The following TRPC5 variants were observed in gnomAD, a reference collection of about 807,000 sequenced individuals.
TRPC5 encodes transient receptor potential cation channel subfamily C member 5.
TRPC5 carries 9 observed loss-of-function variants against 56.5 expected under a neutral mutation model. That is an observed-to-expected ratio of 0.16 (90% confidence interval 0.10 to 0.28). The LOEUF is 0.28. TRPC5 is among the 10% of genes least tolerant of loss of function. The pLI, the probability that TRPC5 is intolerant of heterozygous loss-of-function variation, is 1.00. For missense variants in TRPC5, 469 were observed against 748.9 expected, an observed-to-expected ratio of 0.63 and a Z score of 4.36; for synonymous variants, 282 against 278.5, an observed-to-expected ratio of 1.01 and a Z score of -0.13.
At chrX:111,943,119 T>C (rs758556410) in intron 2 of TRPC5, among the ~76,000 whole-genome samples, 1 of 111,751 alleles carries the variant, frequency 8.9e-6, no homozygotes, top group East Asian at 2.8e-4. Flanking sequence ...TGAAATAGAC[T>C]TCATTATCAT....
At chrX:111,948,996 C>T (rs946139841) in intron 2 of TRPC5, among the ~76,000 whole-genome samples, 1 of 111,749 alleles carries the variant, frequency 8.9e-6, no homozygotes, top group East Asian at 2.8e-4. Context: ...ATCACCATGA[C>T]CCGATGGACT....
intron 1 of TRPC5, among the ~76,000 whole-genome samples, chrX:112,081,344 G>A (rs1930961604): frequency 8.9e-6 from 1 of 111,744 alleles, no homozygotes; most frequent in African/African-American, 3.3e-5. Context: ...AGGAAGACAG[G>A]CAAACAAATC....
At chrX:111,879,732 A>G (rs950354326) in intron 3 of TRPC5, among the ~76,000 whole-genome samples, 31 of 112,702 alleles carry the variant, frequency 2.8e-4, no homozygotes, top group African/African-American at 8.7e-4. Flanking sequence ...CATGATTAGT[A>G]TCTATCCTCT....
rs778571647 is a variant in TRPC5 at position 112,011,719 on chromosome X, A to G, written c.-21-59278T>C. Among the ~76,000 whole-genome samples the G allele has an allele frequency of 2.7e-5, 3 of 111,143 alleles. No individual in the cohort carries two copies. In the South Asian group the frequency reaches 1.2e-3, roughly 43 times the overall value. The stretch of plus-strand genomic sequence containing the variant: ...CTATTTTGATATCAAAATAGTGGTG[A>G]GTCCGTTCATTCACTAAGCCAAAAT... On this transcript the variant is annotated intron_variant, in intron 1 of 10. Transcript: ENST00000262839.
chrX:111,807,441 A>G (rs779401111), intron 7 of TRPC5, among the ~76,000 whole-genome samples: 2 of 112,554 alleles, frequency 1.8e-5, no homozygotes, highest in South Asian at 3.7e-4. Flanking sequence ...TTTTAAAAAA[A>G]TGTATCTGAT....
intron 7 of TRPC5, among the ~76,000 whole-genome samples, chrX:111,791,849 C>T (rs1356432700): frequency 8.9e-6 from 1 of 112,393 alleles, no homozygotes; most frequent in African/African-American, 3.2e-5. Context: ...AATGCTTTTA[C>T]ACTGTTGGTG....
intron 2 of TRPC5, among the ~76,000 whole-genome samples, chrX:111,913,959 CAAAA>C (rs55948877): frequency 0.043 from 3,136 of 73,365 alleles, 110 homozygotes; most frequent in African/African-American, 0.13. Flanking sequence ...GACTCAGTCT[CAAAA>C]AAAAAAAAAA....
chrX:111,915,683 TTATG>T (rs1925954170), intron 2 of TRPC5, among the ~76,000 whole-genome samples: 1 of 112,242 alleles, frequency 8.9e-6, no homozygotes, highest in Admixed American at 9.4e-5. Context: ...CTTGATAAGG[TTATG>T]AGCTCTTTGA....
chrX:111,951,982 G>T (rs1927098649), intron 2 of TRPC5, 61 bp downstream of exon 2: 1 of 1,146,375 alleles, frequency 8.7e-7, no homozygotes, highest in African/African-American at 1.8e-5. Flanking sequence ...TAGTTTCAGG[G>T]CTTCTGACCT....
At chrX:111,888,329 G>A (rs899062575) in intron 3 of TRPC5, among the ~76,000 whole-genome samples, 1 of 110,035 alleles carries the variant, frequency 9.1e-6, no homozygotes, top group African/African-American at 3.3e-5. Context: ...TTAAATGGAG[G>A]AGTGACATGA....
chrX:111,935,594 T>C (rs1052260031), intron 2 of TRPC5, among the ~76,000 whole-genome samples: 1 of 111,862 alleles, frequency 8.9e-6, no homozygotes, highest in Admixed American at 9.5e-5. Flanking sequence ...GGTAGTTTCA[T>C]AGTTTGAGGT....
At chrX:112,056,168 G>C (rs769463184) in intron 1 of TRPC5, among the ~76,000 whole-genome samples, 6 of 111,714 alleles carry the variant, frequency 5.4e-5, no homozygotes, top group Non-Finnish European at 7.5e-5. Context: ...TGGTAAGTCT[G>C]TGCAGTGGCT....
rs1302537416 is a variant in TRPC5, at chrX:111,776,493, C to T, written c.2742G>A (p.Gln914=). 2 of 1,208,759 alleles carry T rather than the reference C, an allele frequency of 1.7e-6. No homozygotes were observed. Among genetic ancestry groups the T allele is most frequent in the Non-Finnish European group, 2.2e-6 (2 of 894,754 alleles). Residue 914 remains glutamine, a synonymous_variant, in exon 11 of 11, where the codon CAG becomes CAA. Coordinates refer to ENST00000262839, the MANE Select transcript of TRPC5 (RefSeq NM_012471.3). ...VELGEVQGAA[Q]SSECPLACSS... Reference sequence around the variant, plus strand: ...AACAGGCTAGAGGGCATTCACTGCTCTGAGCAGCGCCCTGGACTTCACCTA... The same window carrying T: ...AACAGGCTAGAGGGCATTCACTGCTTTGAGCAGCGCCCTGGACTTCACCTA...
At chrX:112,053,285 C>A (rs1433699074) in intron 1 of TRPC5, among the ~76,000 whole-genome samples, 1 of 111,722 alleles carries the variant, frequency 9.0e-6, no homozygotes, top group Non-Finnish European at 1.9e-5. Flanking sequence ...GGGAACCTGG[C>A]ATGCATTTTC....
chrX:111,913,450 T>G (rs1208189214), intron 2 of TRPC5, among the ~76,000 whole-genome samples: 1 of 110,666 alleles, frequency 9.0e-6, no homozygotes, highest in Non-Finnish European at 1.9e-5. Flanking sequence ...GATGATTCGT[T>G]AGGGTCAGGA....
At chrX:112,025,843 C>G (rs1024070485) in intron 1 of TRPC5, among the ~76,000 whole-genome samples, 1 of 111,412 alleles carries the variant, frequency 9.0e-6, no homozygotes, top group African/African-American at 3.3e-5. Flanking sequence ...ACTCCCCATC[C>G]ACTGGTTGAG....
intron 1 of TRPC5, among the ~76,000 whole-genome samples, chrX:112,065,348 T>C (rs967121694): frequency 8.9e-6 from 1 of 111,887 alleles, no homozygotes; most frequent in African/African-American, 3.3e-5. Context: ...GGCAACACCA[T>C]CTATCCAGTT....
intron 6 of TRPC5, among the ~76,000 whole-genome samples, chrX:111,842,113 A>ATTT (rs1569526315): frequency 1.2e-4 from 11 of 91,379 alleles, no homozygotes; most frequent in African/African-American, 5.5e-4. Flanking sequence ...GTGTATATAT[A>ATTT]TATATTTTAT....
chrX:111,948,261 G>T (rs1926980322), intron 2 of TRPC5, among the ~76,000 whole-genome samples: 1 of 111,578 alleles, frequency 9.0e-6, no homozygotes, highest in Non-Finnish European at 1.9e-5. Flanking sequence ...TGTCTGACTT[G>T]AGGGGTGTTT....
Sources: allele counts gnomAD v4.1 joint callset (sites outside exome capture counted in the v4.1 genomes callset), GRCh38; gene constraint gnomAD v4.1.1; transcripts MANE v1.5; gene names NCBI Gene and HGNC (gene_info 2026-07-23, HGNC 2026-07-21).